The following ABCC4 variants were observed in gnomAD, a reference collection of about 807,000 sequenced individuals.
ABCC4 encodes the protein ATP-binding cassette sub-family C member 4.
In ABCC4, 102 loss-of-function variants were observed where a neutral mutation model predicts 168.5. That is an observed-to-expected ratio of 0.61 (90% CI 0.52 to 0.71). ABCC4 has a LOEUF of 0.71. Among genes scored for constraint, ABCC4 ranks in the 30% least tolerant of loss-of-function variants. ABCC4 has a pLI of 0.00. For missense variants in ABCC4, 1,402 were observed against 1,605.8 expected, an observed-to-expected ratio of 0.87 and a Z score of 2.17; for synonymous variants, 617 against 590.7, an observed-to-expected ratio of 1.04 and a Z score of -0.65.
At chr13:95,112,350 CAAA>C (rs35484789) in intron 20 of ABCC4, among the ~76,000 whole-genome samples, 2 of 131,672 alleles carry the variant, frequency 1.5e-5, no homozygotes, top group Non-Finnish European at 3.3e-5. Context: ...GAGACCATCT[CAAA>C]AAAAAAAAAA....
At chr13:95,118,142 T>C (rs528156753) in intron 19 of ABCC4, among the ~76,000 whole-genome samples, 1 of 152,192 alleles carries the variant, frequency 6.6e-6, no homozygotes, top group Non-Finnish European at 1.5e-5. Context: ...ATCAAAACTC[T>C]TATCAACAAT....
chr13:95,234,332 C>CATA (rs2039703407), intron 4 of ABCC4, among the ~76,000 whole-genome samples: 2 of 152,022 alleles, frequency 1.3e-5, no homozygotes, highest in East Asian at 3.8e-4. Flanking sequence ...GCAGCCATGC[C>CATA]CTGACAGCAG....
intron 20 of ABCC4, among the ~76,000 whole-genome samples, chr13:95,089,022 A>C (rs2034344640): frequency 6.6e-6 from 1 of 152,126 alleles, no homozygotes; most frequent in African/African-American, 2.4e-5. Context: ...CAGAAGAGAT[A>C]CTACAGGCAT....
At chr13:95,258,472 C>A (rs9516551) in intron 1 of ABCC4, among the ~76,000 whole-genome samples, 9,882 of 152,272 alleles carry the variant, frequency 0.065, 471 homozygotes, top group Non-Finnish European at 0.1. Context: ...GTACAAAAAA[C>A]CAAACATACC....
At chr13:95,173,561 C>G (rs1437264396) in intron 13 of ABCC4, among the ~76,000 whole-genome samples, 2 of 152,104 alleles carry the variant, frequency 1.3e-5, no homozygotes, top group Admixed American at 1.3e-4. Flanking sequence ...TCCAGGCACC[C>G]CAAAGAAGTG....
intron 20 of ABCC4, among the ~76,000 whole-genome samples, chr13:95,086,118 T>TGTGTGTGG (rs1318302701): frequency 6.6e-6 from 1 of 151,774 alleles, no homozygotes; most frequent in African/African-American, 2.4e-5. Context: ...TGTGTGTGTG[T>TGTGTGTGG]GGTTATATCT....
Position 95,237,852 on chromosome 13 carries a change from G to C in ABCC4, c.307-3018C>G, listed in dbSNP as rs145911097. On this transcript the variant is annotated intron_variant, in intron 3 of 30. Coordinates refer to ENST00000645237, the MANE Select transcript of ABCC4 (RefSeq NM_005845.5). ...GAAGATGTTTGAGTGAAAAATACAA[G>C]CAGAAAAGAGTGAGCTGTGGAAAAA... Among the ~76,000 whole-genome samples the C allele has an allele frequency of 9.0e-4, 137 of 152,162 alleles. 1 individual carries two copies. The highest frequency in any genetic ancestry group is 3.0e-3 in the African/African-American group (125 of 41,518).
At chr13:95,024,673 C>T (rs1309913898) in intron 30 of ABCC4, among the ~76,000 whole-genome samples, 2 of 152,150 alleles carry the variant, frequency 1.3e-5, no homozygotes, top group Middle Eastern at 6.3e-3. Context: ...CAGTAACTCT[C>T]AAGGCCTCAA....
chr13:95,272,345 G>C (rs2040867837), intron 1 of ABCC4, among the ~76,000 whole-genome samples: 1 of 151,992 alleles, frequency 6.6e-6, no homozygotes, highest in Non-Finnish European at 1.5e-5. Context: ...AAGCCTCTTT[G>C]TGCACATAAA....
At chr13:95,159,728 T>C (rs1304166573) in intron 19 of ABCC4, among the ~76,000 whole-genome samples, 2 of 152,220 alleles carry the variant, frequency 1.3e-5, no homozygotes, top group Non-Finnish European at 2.9e-5. Flanking sequence ...AGACCGATAT[T>C]TGTGTGGTCT....
intron 20 of ABCC4, among the ~76,000 whole-genome samples, chr13:95,100,124 T>C (rs1177864124): frequency 1.3e-5 from 2 of 152,206 alleles, no homozygotes; most frequent in African/African-American, 2.4e-5. Flanking sequence ...CATTTTATCA[T>C]TACTAAGGAT....
intron 4 of ABCC4, among the ~76,000 whole-genome samples, chr13:95,222,875 A>G (rs578240596): frequency 1.3e-5 from 2 of 152,292 alleles, no homozygotes; most frequent in South Asian, 2.1e-4. Context: ...CGCTTTCGGT[A>G]TCTAGTGGGC....
chr13:95,062,245 G>T (rs2033326693), intron 26 of ABCC4, among the ~76,000 whole-genome samples: 1 of 152,142 alleles, frequency 6.6e-6, no homozygotes, highest in African/African-American at 2.4e-5. Context: ...CCAACTATAA[G>T]TTTTTTAACT....
intron 4 of ABCC4, among the ~76,000 whole-genome samples, chr13:95,231,083 A>G (rs974752895): frequency 3.3e-5 from 5 of 152,192 alleles, no homozygotes; most frequent in Admixed American, 6.5e-5. Context: ...AGAGTCATCA[A>G]ATTCATAGAG....
intron 1 of ABCC4, among the ~76,000 whole-genome samples, chr13:95,261,111 A>G (rs2040521418): frequency 6.6e-6 from 1 of 152,152 alleles, no homozygotes; most frequent in Admixed American, 6.6e-5. Flanking sequence ...CCTATTTCAT[A>G]GAAAAGGAAG....
chr13:95,146,379 C>A (rs1182740799), intron 19 of ABCC4, among the ~76,000 whole-genome samples: 3 of 152,094 alleles, frequency 2.0e-5, no homozygotes, highest in Admixed American at 2.0e-4. Flanking sequence ...ATGTAACAAA[C>A]CTGCATATGT....
intron 19 of ABCC4, among the ~76,000 whole-genome samples, chr13:95,154,072 CT>C (rs2036777922): frequency 6.6e-6 from 1 of 152,116 alleles, no homozygotes; most frequent in African/African-American, 2.4e-5. Context: ...TCATTCAAAG[CT>C]GAAAAAACAA....
chr13:95,067,307 T>C (rs1375352745), intron 25 of ABCC4, among the ~76,000 whole-genome samples: 1 of 152,180 alleles, frequency 6.6e-6, no homozygotes, highest in African/African-American at 2.4e-5. Context: ...TGTAAATTCA[T>C]AATTTGCAGA....
At chr13:95,178,729 A>C (rs894098156) in intron 11 of ABCC4, among the ~76,000 whole-genome samples, 1 of 152,192 alleles carries the variant, frequency 6.6e-6, no homozygotes, top group Non-Finnish European at 1.5e-5. Context: ...GGGCAGAGAC[A>C]GAGGCAAGAG....
Sources: gnomAD v4.1 joint callset for allele counts (sites outside exome capture counted in the v4.1 genomes callset) on GRCh38, gnomAD v4.1.1 for gene constraint, MANE v1.5 for transcripts, NCBI Gene and HGNC (gene_info 2026-07-23, HGNC 2026-07-21) for gene names.